Variants in RUNX2 observed in about 807,000 individuals in gnomAD.
The protein encoded by RUNX2 is RUNX family transcription factor 2, also known as runt-related transcription factor 2.
A neutral mutation model predicts 51.7 loss-of-function variants in RUNX2; 10 were observed. The ratio of observed to expected loss-of-function variants is 0.19; its 90% CI spans 0.12 to 0.33. The LOEUF (loss-of-function observed/expected upper bound fraction) is 0.33, where lower values mean the gene tolerates loss of function less well. Ranked by LOEUF, RUNX2 falls within the 10% of genes least tolerant of loss-of-function variation. The pLI, the probability that RUNX2 is intolerant of heterozygous loss-of-function variation, is 1.00. For synonymous variants in RUNX2, 276 were observed against 273.6 expected (o/e 1.01, Z -0.09); for missense variants, 562 against 691.3 (o/e 0.81, Z 2.10).
chr6:45,353,630 G>T (rs1173616998), intron 2 of RUNX2, among the ~76,000 whole-genome samples: 1 of 151,668 alleles, frequency 6.6e-6, no homozygotes, highest in Non-Finnish European at 1.5e-5. Flanking sequence ...ACAAAACAAT[G>T]GATTAAATAT....
chr6:45,493,107 T>A (rs1800536662), intron 6 of RUNX2, among the ~76,000 whole-genome samples: 1 of 152,218 alleles, frequency 6.6e-6, no homozygotes, highest in Non-Finnish European at 1.5e-5. Context: ...TCTTCTTCTC[T>A]CCTGCCCATA....
At chr6:45,383,008 C>T (rs6935969) in intron 2 of RUNX2, among the ~76,000 whole-genome samples, 2,067 of 152,256 alleles carry the variant, frequency 0.014, 57 homozygotes, top group African/African-American at 0.047. Context: ...GATTTGCCTA[C>T]ATTAGCTGAG....
chr6:45,486,438 C>A (rs376872155), intron 5 of RUNX2, among the ~76,000 whole-genome samples: 6 of 152,146 alleles, frequency 3.9e-5, no homozygotes, highest in Non-Finnish European at 7.3e-5. Flanking sequence ...CTTATTGATG[C>A]TCTATTACAG....
At chr6:45,519,282 T>A (rs1010620573) in intron 7 of RUNX2, among the ~76,000 whole-genome samples, 1 of 152,212 alleles carries the variant, frequency 6.6e-6, no homozygotes, top group African/African-American at 2.4e-5. Context: ...GAGCAGAATG[T>A]ATAGTTTCTT....
At chr6:45,371,021 C>T (rs1316488817) in intron 2 of RUNX2, among the ~76,000 whole-genome samples, 1 of 152,160 alleles carries the variant, frequency 6.6e-6, no homozygotes, top group Non-Finnish European at 1.5e-5. Flanking sequence ...ACTTACTTTT[C>T]CAACATTAAA....
intron 2 of RUNX2, among the ~76,000 whole-genome samples, chr6:45,393,358 T>A (rs1797511880): frequency 6.6e-6 from 1 of 152,170 alleles, no homozygotes; most frequent in Admixed American, 6.6e-5. Flanking sequence ...AAGCTGTGCT[T>A]ATTGTTTGCT....
chr6:45,539,059 T>TC (rs1226636633), intron 7 of RUNX2, among the ~76,000 whole-genome samples: 1 of 152,158 alleles, frequency 6.6e-6, no homozygotes, highest in Non-Finnish European at 1.5e-5. Context: ...GCTCGTTCCT[T>TC]CCCTTACTCT....
chr6:45,426,435 G>A (rs769413901), intron 3 of RUNX2, among the ~76,000 whole-genome samples: 4 of 152,164 alleles, frequency 2.6e-5, no homozygotes, highest in South Asian at 2.1e-4. Flanking sequence ...TGGAGAGAGC[G>A]TGTCAACCAT....
chr6:45,420,295 C>A (rs1286875444), intron 2 of RUNX2, among the ~76,000 whole-genome samples: 1 of 152,170 alleles, frequency 6.6e-6, no homozygotes, highest in Non-Finnish European at 1.5e-5. Flanking sequence ...ATCTTCCGTG[C>A]CCCTCATGCT....
rs375594715 is a variant in RUNX2 at position 45,515,062 on chromosome 6, A to G, written c.1021+2655A>G. Among the ~76,000 whole-genome samples the G allele has an allele frequency of 3.9e-5, 6 of 152,184 alleles. 1 individual carries two copies. Among genetic ancestry groups the G allele is most frequent in the African/African-American group, 1.2e-4 (5 of 41,514 alleles). The stretch of plus-strand genomic sequence containing the variant: ...CTGTTTCCACATAACGCGGACAGCT[A>G]AAAATACTAACCTCTATCCCTGTTT... On this transcript the variant is annotated intron_variant, in intron 7 of 8. Coordinates refer to ENST00000647337, the MANE Select transcript of RUNX2 (RefSeq NM_001024630.4).
At position 45,478,418 on chromosome 6, in the gene RUNX2, C is replaced by T. The variant is rs532936895; in HGVS notation, c.686-13523C>T. ...TTGTAGATACTTTGTTTTTTTCTGACAGATGAGGAAGTTGAGTCATAGGAG... is the reference window on the plus strand; with the variant it reads ...TTGTAGATACTTTGTTTTTTTCTGATAGATGAGGAAGTTGAGTCATAGGAG... On this transcript the variant is annotated intron_variant, in intron 5 of 8. Coordinates refer to ENST00000647337, the MANE Select transcript of RUNX2 (RefSeq NM_001024630.4). Among the ~76,000 whole-genome samples the T allele has an allele frequency of 2.6e-5, 4 of 152,234 alleles. No homozygotes were observed. The East Asian group carries it at 7.7e-4, about 29-fold the overall frequency.
chr6:45,456,093 A>G (rs1424914343), intron 5 of RUNX2, among the ~76,000 whole-genome samples: 1 of 152,188 alleles, frequency 6.6e-6, no homozygotes, highest in Non-Finnish European at 1.5e-5. Flanking sequence ...TCTGTTGTAA[A>G]CATTTCAGAA....
chr6:45,362,169 T>C (rs1794378865), intron 2 of RUNX2, among the ~76,000 whole-genome samples: 1 of 152,212 alleles, frequency 6.6e-6, no homozygotes, highest in Non-Finnish European at 1.5e-5. Context: ...CTAGGACAGA[T>C]TGGTTGCCAG....
chr6:45,475,104 A>G (rs955793312), intron 5 of RUNX2, among the ~76,000 whole-genome samples: 1 of 149,696 alleles, frequency 6.7e-6, no homozygotes, highest in African/African-American at 2.5e-5. Context: ...AGCCTGGGCG[A>G]CAGAGTAAGA....
intron 2 of RUNX2, among the ~76,000 whole-genome samples, chr6:45,336,031 A>C (rs1788479219): frequency 6.6e-6 from 1 of 151,272 alleles, no homozygotes; most frequent in Non-Finnish European, 1.5e-5. Flanking sequence ...ATGTACTCCA[A>C]CTTTTGATCA....
chr6:45,488,934 A>G (rs138340493), intron 5 of RUNX2, among the ~76,000 whole-genome samples: 33 of 152,256 alleles, frequency 2.2e-4, no homozygotes, highest in Admixed American at 5.9e-4. Context: ...TTCTGAAGGA[A>G]TTGCTTGGGT....
At chr6:45,419,285 T>C (rs1798125871) in intron 2 of RUNX2, among the ~76,000 whole-genome samples, 1 of 152,112 alleles carries the variant, frequency 6.6e-6, no homozygotes, top group African/African-American at 2.4e-5. Context: ...GGAATTTTGG[T>C]GTCACTTTTA....
At chr6:45,473,446 C>T (rs1036298101) in intron 5 of RUNX2, among the ~76,000 whole-genome samples, 15 of 152,210 alleles carry the variant, frequency 9.9e-5, no homozygotes, top group Non-Finnish European at 2.1e-4. Context: ...ACATCTCTCT[C>T]CTTTTCTTTG....
intron 7 of RUNX2, among the ~76,000 whole-genome samples, chr6:45,525,418 A>G (rs558883613): frequency 6.6e-6 from 1 of 152,224 alleles, no homozygotes; most frequent in Non-Finnish European, 1.5e-5. Flanking sequence ...TGACTCAAGC[A>G]TGTAGAGTGG....
Sources: allele counts gnomAD v4.1 joint callset (sites outside exome capture counted in the v4.1 genomes callset), GRCh38; gene constraint gnomAD v4.1.1; transcripts MANE v1.5; gene names NCBI Gene and HGNC (gene_info 2026-07-23, HGNC 2026-07-21).